Variants in WDR41 observed in about 807,000 individuals in gnomAD.
WDR41 encodes WD repeat domain 41, also known as WD repeat-containing protein 41.
WDR41 carries 63 observed loss-of-function variants against 69.3 expected under a neutral mutation model. The observed-to-expected ratio is 0.91, with a 90% CI of 0.74 to 1.12. The LOEUF (loss-of-function observed/expected upper bound fraction) is 1.12. Ranked by LOEUF, WDR41 falls within the 50% of genes most tolerant of loss-of-function variation. WDR41 has a pLI of 0.00. For synonymous variants in WDR41, 185 were observed against 192.1 expected, an observed-to-expected ratio of 0.96 and a Z score of 0.31; for missense variants, 543 against 534.5, an observed-to-expected ratio of 1.02 and a Z score of -0.16.
chr5:77,586,522 T>C (rs1255446882), intron 1 of WDR41, among the ~76,000 whole-genome samples: 2 of 151,966 alleles, frequency 1.3e-5, no homozygotes, highest in Non-Finnish European at 2.9e-5. Flanking sequence ...GCCAGGCTGG[T>C]CTTGAATTCC....
intron 1 of WDR41, among the ~76,000 whole-genome samples, chr5:77,523,724 C>T (rs1441974556): frequency 1.3e-5 from 2 of 151,860 alleles, no homozygotes; most frequent in East Asian, 1.9e-4. Flanking sequence ...TTGAATACAC[C>T]CATAACCATG....
At chr5:77,560,964 C>T (rs182426251) in intron 1 of WDR41, among the ~76,000 whole-genome samples, 123 of 152,232 alleles carry the variant, frequency 8.1e-4, no homozygotes, top group African/African-American at 2.4e-3. Context: ...ATTCACTCAA[C>T]GGTAGAGATA....
At chr5:77,608,205 C>A (rs1744463613) in intron 1 of WDR41, among the ~76,000 whole-genome samples, 2 of 152,188 alleles carry the variant, frequency 1.3e-5, no homozygotes, top group African/African-American at 2.4e-5. Flanking sequence ...TTTCATACAG[C>A]AGAATGTCCT....
intron 8 of WDR41, among the ~76,000 whole-genome samples, chr5:77,443,330 T>C (rs1249026410): frequency 6.6e-6 from 1 of 152,196 alleles, no homozygotes; most frequent in African/African-American, 2.4e-5. Flanking sequence ...GTAATTATGA[T>C]TTAATTATTT....
intron 1 of WDR41, among the ~76,000 whole-genome samples, chr5:77,604,762 A>G (rs1412132296): frequency 6.6e-6 from 1 of 152,202 alleles, no homozygotes; most frequent in East Asian, 1.9e-4. Flanking sequence ...AGGGGACTCA[A>G]GTGATTATAT....
chr5:77,571,471 C>A (rs981207729), intron 1 of WDR41, among the ~76,000 whole-genome samples: 2 of 152,016 alleles, frequency 1.3e-5, no homozygotes, highest in African/African-American at 2.4e-5. Context: ...ACTGGAATAA[C>A]CTTTCTGAAA....
At chr5:77,462,115 T>G (rs1306275051) in intron 4 of WDR41, among the ~76,000 whole-genome samples, 1 of 151,910 alleles carries the variant, frequency 6.6e-6, no homozygotes, top group East Asian at 1.9e-4. Flanking sequence ...TAAATAAGAA[T>G]AATTAAAAAT....
chr5:77,529,825 AAAT>A (rs1014875443), intron 1 of WDR41, among the ~76,000 whole-genome samples: 1 of 151,692 alleles, frequency 6.6e-6, no homozygotes, highest in African/African-American at 2.4e-5. Context: ...CATATGGAAA[AAAT>A]AAATTTTTGC....
chr5:77,588,481 T>C (rs1744079465), intron 1 of WDR41, among the ~76,000 whole-genome samples: 1 of 152,184 alleles, frequency 6.6e-6, no homozygotes, highest in Non-Finnish European at 1.5e-5. Context: ...AAGATAAAGA[T>C]TCCTTTTTTA....
chr5:77,594,614 G>A (rs1744193130), intron 1 of WDR41, among the ~76,000 whole-genome samples: 2 of 152,022 alleles, frequency 1.3e-5, no homozygotes, highest in Admixed American at 6.6e-5. Context: ...TTTCTTCTTT[G>A]AATCTGCAGG....
In WDR41 at chr5:77,432,478, A is replaced by G. The variant is rs937771441; in HGVS notation, c.*657T>C. 2.0e-5 allele frequency: 3 copies of G among 152,460 alleles called. No homozygotes were observed. Among genetic ancestry groups the G allele is most frequent in the Admixed American group, 1.3e-4 (2 of 15,268 alleles). 9.4% of individuals were successfully genotyped at this position (152,460 alleles called of 1,614,324 possible). A position where few individuals can be genotyped will look rare whatever the true frequency, so the allele number is the denominator to read the frequency against. On this transcript the variant is annotated 3_prime_UTR_variant, in exon 13 of 13. Transcript: ENST00000296679. ...CTCATCCTTGGCGTACATGAGGGGCAGTTGTTGTTCTAGTACCCATTTAGC... is the reference window on the plus strand; with the variant it reads ...CTCATCCTTGGCGTACATGAGGGGCGGTTGTTGTTCTAGTACCCATTTAGC...
At chr5:77,550,414 C>G (rs1035960167) in intron 1 of WDR41, among the ~76,000 whole-genome samples, 1 of 152,080 alleles carries the variant, frequency 6.6e-6, no homozygotes, top group Non-Finnish European at 1.5e-5. Context: ...ACCAAACATT[C>G]CCTTTAAAAG....
intron 1 of WDR41, among the ~76,000 whole-genome samples, chr5:77,598,644 CTT>C (rs765785617): frequency 1.6e-5 from 2 of 121,354 alleles, no homozygotes; most frequent in Non-Finnish European, 3.5e-5. Flanking sequence ...AGTAAGTTTC[CTT>C]TTTTTTTTTG....
chr5:77,466,389 C>A (rs1421459281), intron 2 of WDR41, among the ~76,000 whole-genome samples: 1 of 151,740 alleles, frequency 6.6e-6, no homozygotes, highest in African/African-American at 2.4e-5. Context: ...CTATTGATTT[C>A]TTTTTATTTG....
intron 1 of WDR41, among the ~76,000 whole-genome samples, chr5:77,552,688 G>C (rs1425855971): frequency 1.3e-5 from 2 of 152,114 alleles, no homozygotes; most frequent in Non-Finnish European, 1.5e-5. Flanking sequence ...TGTGGGCAGA[G>C]GGGTAGACAC....
At chr5:77,487,105 T>TCA (rs901725567) in intron 2 of WDR41, among the ~76,000 whole-genome samples, 1 of 152,198 alleles carries the variant, frequency 6.6e-6, no homozygotes. Context: ...AGAGGATATT[T>TCA]CACAGAGGAA....
At position 77,492,311 on chromosome 5, in the gene WDR41, G is replaced by A; in HGVS notation, c.-91C>T. 3 of 1,538,574 alleles carry A rather than the reference G, an allele frequency of 1.9e-6. No homozygotes were observed. The highest frequency in any genetic ancestry group is 2.3e-5 in the East Asian group (1 of 43,308). ...CTCCTCCTTCCTCCCCGGCTGCAGC[G>A]CAACTGAGACGCTAATACTTCCCGC... On this transcript the variant is annotated 5_prime_UTR_variant, in exon 1 of 13. Coordinates refer to ENST00000296679, the MANE Select transcript of WDR41 (RefSeq NM_018268.4).
Position 77,506,947 on chromosome 5 carries a change from G to C in WDR41, c.43-17375C>G, listed in dbSNP as rs1038591291. ...AAATACCTAATGTGAATGATGAGTT[G>C]TTGGGTGCAGCAAACCAACATGGCA... On this transcript the variant is annotated intron_variant, in intron 1 of 5. Coordinates refer to the WDR41 transcript ENST00000509971. 3.3e-5 allele frequency among the ~76,000 whole-genome samples: 5 copies of C among 152,164 alleles called. No individual in the cohort carries two copies. The East Asian group carries it at 9.6e-4, about 29-fold the overall frequency.
At chr5:77,569,367 T>C (rs977354664) in intron 1 of WDR41, among the ~76,000 whole-genome samples, 1 of 152,212 alleles carries the variant, frequency 6.6e-6, no homozygotes, top group Non-Finnish European at 1.5e-5. Flanking sequence ...TACATGCAAC[T>C]AATTTTTTCC....
Sources: allele counts gnomAD v4.1 joint callset (sites outside exome capture counted in the v4.1 genomes callset), GRCh38; gene constraint gnomAD v4.1.1; transcripts MANE v1.5; gene names NCBI Gene and HGNC (gene_info 2026-07-23, HGNC 2026-07-21).